Variants in RBMS3 observed in about 807,000 individuals in gnomAD.
RBMS3 encodes RNA-binding motif, single-stranded-interacting protein 3.
Under a neutral mutation model 66.8 loss-of-function variants are expected in RBMS3, and 27 were observed. The observed-to-expected ratio is 0.40, with a 90% CI of 0.30 to 0.56. RBMS3 has a LOEUF of 0.56. Ranked by LOEUF, RBMS3 falls within the 20% of genes least tolerant of loss-of-function variation. The pLI is 0.40. For missense variants in RBMS3, 513 were observed against 549.5 expected, an observed-to-expected ratio of 0.93 and a Z score of 0.66; for synonymous variants, 188 against 183.0, an observed-to-expected ratio of 1.03 and a Z score of -0.22.
chr3:29,782,047 C>T (rs1003087975), intron 6 of RBMS3, among the ~76,000 whole-genome samples: 3 of 152,088 alleles, frequency 2.0e-5, no homozygotes, highest in African/African-American at 7.2e-5. Context: ...TGGTCTTTCT[C>T]TACCCACCCT....
intron 4 of RBMS3, among the ~76,000 whole-genome samples, chr3:29,737,493 T>G (rs543440479): frequency 1.3e-5 from 2 of 152,272 alleles, no homozygotes; most frequent in South Asian, 4.1e-4. Flanking sequence ...TCACTAATTA[T>G]TAGATTGTCC....
intron 2 of RBMS3, chr3:29,435,135 A>C (rs1259215422): frequency 1.7e-5 from 9 of 515,308 alleles, no homozygotes; most frequent in Non-Finnish European, 3.1e-5. Flanking sequence ...GCACATATAC[A>C]TGGAAATGCT....
At chr3:29,422,498 A>C (rs1208945195) in intron 1 of RBMS3, among the ~76,000 whole-genome samples, 1 of 151,772 alleles carries the variant, frequency 6.6e-6, no homozygotes, top group Non-Finnish European at 1.5e-5. Context: ...CTAAGGTTTG[A>C]GGTGCATTGA....
At chr3:29,523,036 C>T (rs2044927684) in intron 3 of RBMS3, among the ~76,000 whole-genome samples, 1 of 152,220 alleles carries the variant, frequency 6.6e-6, no homozygotes, top group Admixed American at 6.5e-5. Flanking sequence ...ATTAATCTTA[C>T]AAGAGCCTTG....
At chr3:29,641,800 A>G (rs1047468477) in intron 4 of RBMS3, among the ~76,000 whole-genome samples, 6 of 152,186 alleles carry the variant, frequency 3.9e-5, no homozygotes, top group African/African-American at 1.4e-4. Flanking sequence ...TGAGAGATGT[A>G]AAGACCAGGA....
At chr3:29,287,795 C>A (rs1249141418) in intron 1 of RBMS3, among the ~76,000 whole-genome samples, 1 of 151,830 alleles carries the variant, frequency 6.6e-6, no homozygotes, top group Non-Finnish European at 1.5e-5. Flanking sequence ...TTTTCAGGGC[C>A]TTGAGAAAGC....
At chr3:29,929,980 C>T (rs2061065030) in intron 10 of RBMS3, among the ~76,000 whole-genome samples, 1 of 151,786 alleles carries the variant, frequency 6.6e-6, no homozygotes, top group Admixed American at 6.6e-5. Context: ...TGTTTTCTTT[C>T]ATTGCACAAT....
chr3:29,299,430 G>A (rs1173084703), intron 1 of RBMS3, among the ~76,000 whole-genome samples: 1 of 151,818 alleles, frequency 6.6e-6, no homozygotes, highest in African/African-American at 2.4e-5. Context: ...AACCATGAAT[G>A]AAAACAATGA....
chr3:29,518,946 T>C (rs2044745762), intron 3 of RBMS3, among the ~76,000 whole-genome samples: 1 of 152,160 alleles, frequency 6.6e-6, no homozygotes, highest in Admixed American at 6.5e-5. Flanking sequence ...TGATTGAAAG[T>C]GGACATTTTA....
chr3:29,474,427 A>G (rs535161193), intron 2 of RBMS3, among the ~76,000 whole-genome samples: 29 of 152,224 alleles, frequency 1.9e-4, no homozygotes, highest in Non-Finnish European at 4.0e-4. Flanking sequence ...TACTACAAGA[A>G]AAAAGAAACA....
rs557660718 is a variant in RBMS3, at chr3:29,468,384, A to G, written c.249-20057A>G. 2.0e-5 allele frequency among the ~76,000 whole-genome samples: 3 copies of G among 152,278 alleles called. No individual in the cohort carries two copies. In the South Asian group the frequency reaches 6.2e-4, roughly 32 times the overall value. ...ACACAATACCCATATGTACCTCCAG[A>G]AAGGCTCAGCTTTAAATGCAGCCAT... is the stretch of plus-strand genomic sequence containing the variant. On this transcript the variant is annotated intron_variant, in intron 2 of 14. Transcript: ENST00000383767.
chr3:29,652,353 A>G (rs2149215458), intron 4 of RBMS3, among the ~76,000 whole-genome samples: 2 of 152,250 alleles, frequency 1.3e-5, no homozygotes, highest in East Asian at 3.9e-4. Context: ...AAACTCATAT[A>G]AATAACAATT....
At chr3:29,923,630 AAAAC>A (rs1257634904) in intron 10 of RBMS3, among the ~76,000 whole-genome samples, 1 of 152,228 alleles carries the variant, frequency 6.6e-6, no homozygotes, top group African/African-American at 2.4e-5. Flanking sequence ...GCAGAAAAAA[AAAAC>A]TGGTTCTGAA....
intron 2 of RBMS3, among the ~76,000 whole-genome samples, chr3:29,482,181 C>T (rs2043149805): frequency 6.6e-6 from 1 of 152,132 alleles, no homozygotes; most frequent in South Asian, 2.1e-4. Flanking sequence ...AGGTTTCTGA[C>T]TCTATTGGTA....
chr3:29,364,709 T>G (rs1258513121), intron 1 of RBMS3, among the ~76,000 whole-genome samples: 2 of 152,302 alleles, frequency 1.3e-5, no homozygotes, highest in East Asian at 1.9e-4. Flanking sequence ...TGCATAGATG[T>G]GTGTCTCCTG....
intron 12 of RBMS3, among the ~76,000 whole-genome samples, chr3:29,970,935 A>G (rs1278858919): frequency 6.6e-6 from 1 of 152,154 alleles, no homozygotes; most frequent in Admixed American, 6.5e-5. Flanking sequence ...GTGGAATTTC[A>G]GGCCCATACC....
At chr3:29,919,931 T>G (rs2060727401) in intron 10 of RBMS3, among the ~76,000 whole-genome samples, 2 of 152,232 alleles carry the variant, frequency 1.3e-5, no homozygotes, top group South Asian at 4.1e-4. Context: ...AAAATAATTA[T>G]GAAATAATTT....
intron 4 of RBMS3, among the ~76,000 whole-genome samples, chr3:29,601,682 T>C (rs1282289326): frequency 1.3e-5 from 2 of 152,082 alleles, no homozygotes; most frequent in Non-Finnish European, 2.9e-5. Context: ...TAATTTCTAA[T>C]TGTAAACAAA....
chr3:29,884,807 T>G (rs1422626798), intron 8 of RBMS3, among the ~76,000 whole-genome samples: 5 of 151,928 alleles, frequency 3.3e-5, no homozygotes, highest in Non-Finnish European at 7.4e-5. Flanking sequence ...TATCTTTCAT[T>G]GAAACTTTCT....
Sources: gnomAD v4.1 joint callset for allele counts (sites outside exome capture counted in the v4.1 genomes callset) on GRCh38, gnomAD v4.1.1 for gene constraint, MANE v1.5 for transcripts, NCBI Gene and HGNC (gene_info 2026-07-23, HGNC 2026-07-21) for gene names.